The following COL15A1 variants were observed in gnomAD, a reference collection of about 807,000 sequenced individuals.
COL15A1 encodes collagen type XV alpha 1 chain.
Under a neutral mutation model 165.9 loss-of-function variants are expected in COL15A1, and 111 were observed. The observed-to-expected ratio is 0.67, with a 90% CI of 0.57 to 0.78. COL15A1 has a LOEUF of 0.78. Among genes scored for constraint, COL15A1 ranks in the 30% least tolerant of loss-of-function variants. The probability of loss-of-function intolerance (pLI) is 0.00; values close to 1 mark genes in which losing one functional copy is unlikely to be tolerated. For missense variants in COL15A1, 1,745 were observed against 1,789.7 expected (o/e 0.98, Z 0.45); for synonymous variants, 659 against 674.8 (o/e 0.98, Z 0.36).
intron 2 of COL15A1, among the ~76,000 whole-genome samples, chr9:98,979,019 A>G (rs1838188483): frequency 6.6e-6 from 1 of 152,204 alleles, no homozygotes; most frequent in Non-Finnish European, 1.5e-5. Flanking sequence ...GTTTTTATAT[A>G]GTACATCTTG....
At chr9:98,950,935 C>A (rs1564005022) in intron 2 of COL15A1, among the ~76,000 whole-genome samples, 3 of 152,084 alleles carry the variant, frequency 2.0e-5, no homozygotes, top group Admixed American at 6.5e-5. Context: ...AATGACGTTG[C>A]GCATTTTTTC....
Position 99,056,402 on chromosome 9 carries a change from C to T in COL15A1, c.3335C>T (p.Ala1112Val). Residue 1112 changes from alanine (A) to valine (V), a missense_variant and splice_region_variant, in exon 35 of 42, where the codon GCA becomes GTA. Coordinates refer to ENST00000375001, the MANE Select transcript of COL15A1 (RefSeq NM_001855.5). ...CCAGGACCTCCAGCTATCCTGGGAG[C>T]AGGTTAGTGCCGTAAACAGTGCCCT... ...GPPGPPAILG[A>V]AVALPGPPGP... 3 of 1,607,732 alleles carry T rather than the reference C, an allele frequency of 1.9e-6. No individual in the cohort carries two copies. Among genetic ancestry groups the T allele is most frequent in the South Asian group, 1.1e-5 (1 of 90,812 alleles).
Position 99,062,172 on chromosome 9 carries a change from C to A in COL15A1, c.3531+73C>A, listed in dbSNP as rs541861109. 3.8e-6 allele frequency: 6 copies of A among 1,598,186 alleles called. No individual in the cohort carries two copies. In the South Asian group the frequency reaches 4.4e-5, roughly 12 times the overall value. On this transcript the variant is annotated intron_variant, in intron 37 of 41. Coordinates refer to ENST00000375001, the MANE Select transcript of COL15A1 (RefSeq NM_001855.5). ...AAATAATAATCTACTCCCATAAATGCCATTTTTTTCTGTTTTGAAATGGGA... is the reference window on the plus strand; with the variant it reads ...AAATAATAATCTACTCCCATAAATGACATTTTTTTCTGTTTTGAAATGGGA...
chr9:99,024,357 T>G (rs1253035553), intron 14 of COL15A1, among the ~76,000 whole-genome samples: 1 of 147,860 alleles, frequency 6.8e-6, no homozygotes, highest in Non-Finnish European at 1.5e-5. Flanking sequence ...CTCGGCTCAC[T>G]GCAAGCTCCA....
chr9:99,041,888 C>T (rs1839411661), intron 23 of COL15A1, among the ~76,000 whole-genome samples, 157 bp from the exon 24 acceptor site: 3 of 152,228 alleles, frequency 2.0e-5, no homozygotes, highest in Non-Finnish European at 4.4e-5. Flanking sequence ...AGTTTCTGGA[C>T]CACTTAAGGT....
intron 4 of COL15A1, among the ~76,000 whole-genome samples, chr9:98,988,467 G>A (rs151258455): frequency 6.6e-6 from 1 of 152,346 alleles, no homozygotes; most frequent in East Asian, 1.9e-4. Flanking sequence ...ATGCCAGGAA[G>A]TCATGCTTCG....
intron 2 of COL15A1, among the ~76,000 whole-genome samples, chr9:98,960,649 A>T (rs1837850762): frequency 6.6e-6 from 1 of 152,198 alleles, no homozygotes; most frequent in Non-Finnish European, 1.5e-5. Flanking sequence ...TGCATGTATC[A>T]GTTGGTGACC....
intron 2 of COL15A1, among the ~76,000 whole-genome samples, chr9:98,970,214 TATGCCAGGCTCTGGATTAC>T (rs1390062353): frequency 1.3e-5 from 2 of 152,204 alleles, no homozygotes; most frequent in African/African-American, 2.4e-5. Context: ...AGCACTTACC[TATGCCAGGCTCTGGATTAC>T]ATGCCAGGCA....
intron 4 of COL15A1, among the ~76,000 whole-genome samples, chr9:98,987,910 C>G (rs911026784): frequency 2.3e-4 from 35 of 152,154 alleles, no homozygotes; most frequent in African/African-American, 8.5e-4. Flanking sequence ...CACTTCCATA[C>G]CCAAATACAG....
intron 3 of COL15A1, 73 bp downstream of exon 3, chr9:98,986,185 C>G (rs1174787710): frequency 8.7e-7 from 1 of 1,145,270 alleles, no homozygotes; most frequent in African/African-American, 1.6e-5. Flanking sequence ...AATGGAGCAA[C>G]TATTATTGTT....
intron 5 of COL15A1, 63 bp from the exon 6 acceptor site, chr9:98,996,871 C>G (rs1201753053): frequency 1.9e-6 from 3 of 1,594,276 alleles, no homozygotes; most frequent in African/African-American, 2.7e-5. Context: ...GTGATATTCT[C>G]TGTCATTTCT....
chr9:99,058,979 A>G (rs1176524126), intron 35 of COL15A1, among the ~76,000 whole-genome samples: 1 of 152,198 alleles, frequency 6.6e-6, no homozygotes, highest in African/African-American at 2.4e-5. Context: ...TGTCGGGGGT[A>G]GGGTGAGCAG....
At position 98,987,351 on chromosome 9, in the gene COL15A1, G is replaced by A. The variant is rs1056573474; in HGVS notation, c.706G>A (p.Asp236Asn). 20 of 1,612,572 alleles carry A rather than the reference G, an allele frequency of 1.2e-5. No homozygotes were observed. Among genetic ancestry groups the A allele is most frequent in the Non-Finnish European group, 1.6e-5 (19 of 1,179,402 alleles). ...CCCCAGGACTCCCGAGGAGCTGTGT[G>A]ACCCTGAAGAGTCCTCGGTGAGCTC... ...PDPRTPEELC[D>N]PEESSASGET... Residue 236 changes from aspartate to asparagine, a missense_variant, in exon 4 of 42, where the codon GAC becomes AAC. Transcript: ENST00000375001.
At position 99,035,504 on chromosome 9, in the gene COL15A1, C is replaced by G. The variant is rs981086090; in HGVS notation, c.2289+86C>G. ...AGCTGTGGGCTGCATCCCGGCTCTG[C>G]CACTTTCAATAACTCACCTTCTCTG... On this transcript the variant is annotated intron_variant, in intron 19 of 41. Coordinates refer to ENST00000375001, the MANE Select transcript of COL15A1 (RefSeq NM_001855.5). 3.9e-6 allele frequency: 6 copies of G among 1,548,160 alleles called. No homozygotes were observed. The African/African-American group carries it at 5.4e-5, about 14-fold the overall frequency.
At chr9:99,062,375 A>G (rs1825830585) in intron 38 of COL15A1, 71 bp downstream of exon 38, 1 of 1,117,798 alleles carries the variant, frequency 8.9e-7, no homozygotes, top group East Asian at 2.4e-5. Flanking sequence ...CTTGGTATCT[A>G]GCACCAAGCT....
chr9:99,005,508 A>G (rs1838746334), intron 9 of COL15A1, among the ~76,000 whole-genome samples: 2 of 152,156 alleles, frequency 1.3e-5, no homozygotes, highest in Admixed American at 6.5e-5. Context: ...GCACTTGGCC[A>G]GTCTGTCCCT....
chr9:98,994,908 G>T (rs1354637712), intron 5 of COL15A1, among the ~76,000 whole-genome samples: 1 of 152,096 alleles, frequency 6.6e-6, no homozygotes, highest in Non-Finnish European at 1.5e-5. Context: ...CCTTGCAGGG[G>T]GGTTGGGATG....
Position 98,989,257 on chromosome 9 carries a change from CG to C in COL15A1, c.804+1del. ...GAAGCCGTCACCTACACTCAAGCCT[CG>C]GTGAGTACTGGGATGCTGTGCCATG... Reference protein sequence around the residue: ...ILEAVTYTQASPKEAKVEPIN... With the variant: ...ILEAVTYTQAXPKEAKVEPIN... On this transcript the variant is annotated frameshift_variant and splice_region_variant, in exon 5 of 42. Transcript: ENST00000375001. LOFTEE classifies it high-confidence loss of function. 6.2e-7 allele frequency: 1 copy of C among 1,611,768 alleles called. No homozygotes were observed. Among genetic ancestry groups the C allele is most frequent in the Non-Finnish European group, 8.5e-7 (1 of 1,177,894 alleles).
intron 2 of COL15A1, among the ~76,000 whole-genome samples, chr9:98,951,859 C>A (rs1837693531): frequency 1.3e-5 from 2 of 152,152 alleles, no homozygotes; most frequent in Non-Finnish European, 2.9e-5. Context: ...CACCTGGCTA[C>A]CAGTACCATT....
Sources: gnomAD v4.1 joint callset for allele counts (sites outside exome capture counted in the v4.1 genomes callset) on GRCh38, gnomAD v4.1.1 for gene constraint, MANE v1.5 for transcripts, NCBI Gene and HGNC (gene_info 2026-07-23, HGNC 2026-07-21) for gene names.